Variants in DCLK2 observed in about 807,000 individuals in gnomAD.
DCLK2 encodes the protein doublecortin like kinase 2, also known as serine/threonine-protein kinase DCLK2.
A neutral mutation model predicts 78.4 loss-of-function variants in DCLK2; 31 were observed. The observed-to-expected ratio is 0.40, with a 90% confidence interval of 0.30 to 0.53. The LOEUF is 0.53. DCLK2 is among the 20% of genes least tolerant of loss of function. The pLI, the probability that DCLK2 is intolerant of heterozygous loss-of-function variation, is 0.61. For synonymous variants in DCLK2, 407 were observed against 374.9 expected, an observed-to-expected ratio of 1.09 and a Z score of -0.99; for missense variants, 872 against 973.7, an observed-to-expected ratio of 0.90 and a Z score of 1.39.
At chr4:150,223,329 C>CAGCT (rs1436131971) in intron 7 of DCLK2, among the ~76,000 whole-genome samples, 1 of 152,206 alleles carries the variant, frequency 6.6e-6, no homozygotes, top group Non-Finnish European at 1.5e-5. Flanking sequence ...CTGGCAAATC[C>CAGCT]AGCTGCACTT....
chr4:150,204,138 A>C (rs369450214), intron 5 of DCLK2, among the ~76,000 whole-genome samples: 1 of 152,192 alleles, frequency 6.6e-6, no homozygotes, highest in South Asian at 2.1e-4. Flanking sequence ...CTTATTTTAG[A>C]GATGAACATA....
In DCLK2 at chr4:150,079,405, C is replaced by G; in HGVS notation, c.378C>G (p.Ile126Met). The G allele has an allele frequency of 6.4e-7, 1 of 1,558,244 alleles. No individual in the cohort carries two copies. The highest frequency in any genetic ancestry group is 1.2e-5 in the South Asian group (1 of 84,640). ...AGGGTGTCCGCACTATCTACACCAT[C>G]GACGGCAGCCGGAAGGTCACCAGCC... is the stretch of plus-strand genomic sequence containing the variant. The part of the protein sequence containing the change: ...LPQGVRTIYT[I>M]DGSRKVTSLD... The change falls in exon 1 of 16, where the codon ATC becomes ATG. Residue 126 changes from isoleucine to methionine, a missense_variant. By Grantham distance (10) the Ile-to-Met change is conservative. Around this residue, in one of 3 missense-constraint regions of DCLK2, gnomAD observed 567 missense variants for 593.4 expected, o/e 0.96. Transcript: ENST00000296550.
intron 8 of DCLK2, among the ~76,000 whole-genome samples, chr4:150,227,819 T>C (rs1741727647): frequency 6.6e-6 from 1 of 152,374 alleles, no homozygotes; most frequent in South Asian, 2.1e-4. Flanking sequence ...GCATTCATCA[T>C]CTACATGGGC....
intron 2 of DCLK2, among the ~76,000 whole-genome samples, chr4:150,108,124 A>C (rs1391659867): frequency 6.6e-6 from 1 of 152,178 alleles, no homozygotes; most frequent in Non-Finnish European, 1.5e-5. Context: ...TGATCTGTAA[A>C]GAGGAGTCAT....
chr4:150,215,111 T>A (rs1179704425), intron 5 of DCLK2, among the ~76,000 whole-genome samples: 1 of 151,978 alleles, frequency 6.6e-6, no homozygotes, highest in Non-Finnish European at 1.5e-5. Context: ...GTCCTTTTAT[T>A]AAAAAAAATG....
chr4:150,093,588 G>A (rs1730249861), intron 1 of DCLK2, among the ~76,000 whole-genome samples: 1 of 152,128 alleles, frequency 6.6e-6, no homozygotes, highest in Non-Finnish European at 1.5e-5. Flanking sequence ...TGCCATGTTG[G>A]CCAGGCTAGT....
chr4:150,170,791 GA>G (rs34635776), intron 2 of DCLK2, among the ~76,000 whole-genome samples: 5,016 of 152,052 alleles, frequency 0.033, 264 homozygotes, highest in African/African-American at 0.11. Context: ...TTCATTCTTG[GA>G]AAAAAACCTG....
At chr4:150,215,657 C>A (rs1189600790) in intron 5 of DCLK2, among the ~76,000 whole-genome samples, 4 of 152,190 alleles carry the variant, frequency 2.6e-5, no homozygotes, top group Non-Finnish European at 5.9e-5. Context: ...CAGAAGCGTT[C>A]CTAACCCTGT....
At chr4:150,163,247 A>G (rs1357157993) in intron 2 of DCLK2, among the ~76,000 whole-genome samples, 1 of 151,896 alleles carries the variant, frequency 6.6e-6, no homozygotes, top group Non-Finnish European at 1.5e-5. Flanking sequence ...AAAATACAAA[A>G]ATTCACTGGG....
At chr4:150,217,584 A>C (rs1231636770) in intron 5 of DCLK2, among the ~76,000 whole-genome samples, 1 of 152,188 alleles carries the variant, frequency 6.6e-6, no homozygotes, top group Non-Finnish European at 1.5e-5. Context: ...ATCCCTCCTC[A>C]TAAGGTTGTA....
At chr4:150,202,045 T>C (rs1027249972) in intron 4 of DCLK2, among the ~76,000 whole-genome samples, 2 of 152,184 alleles carry the variant, frequency 1.3e-5, no homozygotes, top group African/African-American at 2.4e-5. Flanking sequence ...GCTGCATTTG[T>C]TACAATTAGC....
chr4:150,232,762 C>T lies in DCLK2; in HGVS notation c.1500C>T (p.Ala500=). The T allele has an allele frequency of 6.2e-7, 1 of 1,614,138 alleles. No homozygotes were observed. The highest frequency in any genetic ancestry group is 8.5e-7 in the Non-Finnish European group (1 of 1,180,012). The change falls in exon 10 of 16, where the codon GCC becomes GCT. Residue 500 remains alanine, a synonymous_variant. Transcript: ENST00000296550. ...GCAGTGCCATGGTGTACAACTTAGC[C>T]AATGCCCTCAGGTATCTCCATGGCC... ...RDGSAMVYNL[A]NALRYLHGLS...
At position 150,116,469 on chromosome 4, in the gene DCLK2, G is replaced by A. The variant is rs116712633; in HGVS notation, c.756+13657G>A. On this transcript the variant is annotated intron_variant, in intron 2 of 15. Transcript: ENST00000296550. ...TTTGGATTCTTTTGTCCCATGTGAT[G>A]TGTCCTTCCCCTAGAAGTAGGAGTC... 1.1e-3 allele frequency among the ~76,000 whole-genome samples: 170 copies of A among 152,328 alleles called. 1 individual carries two copies. Among genetic ancestry groups the A allele is most frequent in the African/African-American group, 3.8e-3 (159 of 41,572 alleles).
chr4:150,212,078 A>G (rs968428109), intron 5 of DCLK2, among the ~76,000 whole-genome samples: 1 of 152,228 alleles, frequency 6.6e-6, no homozygotes, highest in African/African-American at 2.4e-5. Context: ...ATCTGTGGAC[A>G]CTGAGGGATA....
Position 150,239,594 on chromosome 4 carries a change from G to A in DCLK2, c.1567-148G>A, listed in dbSNP as rs1350755937. ...CCAGCCTGGGCAACAAAGCGAGACC[G>A]TGTCTTCAAAAAAAAAAATCACAAG... is the stretch of plus-strand genomic sequence containing the variant. On this transcript the variant is annotated intron_variant, in intron 10 of 15. Transcript: ENST00000296550. 7 of 1,049,044 alleles carry A rather than the reference G, an allele frequency of 6.7e-6. No individual in the cohort carries two copies. In the African/African-American group the frequency reaches 8.1e-5, roughly 12 times the overall value. 65.0% of individuals were successfully genotyped at this position (1,049,044 alleles called of 1,614,324 possible). A position where few individuals can be genotyped will look rare whatever the true frequency, so the allele number is the denominator to read the frequency against.
At chr4:150,170,034 G>T (rs538670699) in intron 2 of DCLK2, among the ~76,000 whole-genome samples, 1 of 152,236 alleles carries the variant, frequency 6.6e-6, no homozygotes, top group African/African-American at 2.4e-5. Flanking sequence ...AACCCTAGAT[G>T]CAAGTAGTTT....
chr4:150,250,922 AAAT>A (rs1743788665), intron 15 of DCLK2, among the ~76,000 whole-genome samples: 1 of 28,068 alleles, frequency 3.6e-5, no homozygotes. Flanking sequence ...CACACACCAC[AAAT>A]CCTCCACACC....
intron 2 of DCLK2, among the ~76,000 whole-genome samples, chr4:150,109,564 C>T (rs1245555879): frequency 6.6e-6 from 1 of 152,142 alleles, no homozygotes; most frequent in Admixed American, 6.5e-5. Context: ...GCCTCGATCT[C>T]CTGACATCGT....
chr4:150,173,978 A>G (rs1736745148), intron 2 of DCLK2, among the ~76,000 whole-genome samples: 1 of 152,192 alleles, frequency 6.6e-6, no homozygotes, highest in African/African-American at 2.4e-5. Flanking sequence ...ATCTTCCATG[A>G]TTATTAATCC....
Sources: gnomAD v4.1 joint callset for allele counts (sites outside exome capture counted in the v4.1 genomes callset) on GRCh38, gnomAD v4.1.1 for gene constraint, gnomAD v4.1.1 regional missense constraint, MANE v1.5 for transcripts, NCBI Gene and HGNC (gene_info 2026-07-23, HGNC 2026-07-21) for gene names.